The following DBI variants were observed in gnomAD, a reference collection of about 807,000 sequenced individuals.
DBI encodes the protein acyl-CoA-binding protein.
DBI carries 12 observed loss-of-function variants against 13.0 expected under a neutral mutation model. The ratio of observed to expected loss-of-function variants is 0.92; its 90% CI spans 0.59 to 1.49. The LOEUF (loss-of-function observed/expected upper bound fraction) is 1.49. Among genes scored for constraint, DBI ranks in the 40% most tolerant of loss-of-function variants. DBI has a pLI of 0.00. For missense variants in DBI, 95 were observed against 104.8 expected (o/e 0.91, Z 0.41); for synonymous variants, 37 against 37.4 (o/e 0.99, Z 0.04).
intron 1 of DBI, chr2:119,367,302 T>C: frequency 7.0e-7 from 1 of 1,436,592 alleles, no homozygotes; most frequent in South Asian, 1.5e-5. Flanking sequence ...GACTTCGCTG[T>C]GTAGCGGGAG....
chr2:119,367,994 G>C, intron 1 of DBI, 194 bp from the exon 2 acceptor site: 1 of 1,610,092 alleles, frequency 6.2e-7, no homozygotes, highest in Non-Finnish European at 8.5e-7. Context: ...TCCCCTTCTT[G>C]TGTTGCTGAA....
At chr2:119,370,961 T>C (rs973018701) in intron 3 of DBI, among the ~76,000 whole-genome samples, 159 bp downstream of exon 3, 3 of 152,206 alleles carry the variant, frequency 2.0e-5, no homozygotes, top group Admixed American at 6.5e-5. Context: ...GGCCACCTAC[T>C]TTTTCTCCTA....
chr2:119,371,927 A>G (rs1681543848), intron 3 of DBI, among the ~76,000 whole-genome samples: 1 of 152,172 alleles, frequency 6.6e-6, no homozygotes, highest in Non-Finnish European at 1.5e-5. Context: ...ACAGTTTCCT[A>G]CCTGTCTGGA....
intron 1 of DBI, chr2:119,367,626 T>A: frequency 1.9e-6 from 3 of 1,613,962 alleles, no homozygotes; most frequent in Non-Finnish European, 2.5e-6. Context: ...CCTCTGCCAA[T>A]CCGGGCACTG....
intron 1 of DBI, chr2:119,367,735 A>T (rs1681149387): frequency 6.2e-7 from 1 of 1,607,330 alleles, no homozygotes; most frequent in African/African-American, 1.3e-5. Flanking sequence ...GTCCCCTTTC[A>T]GCTGTTTCCA....
chr2:119,368,433 G>T, intron 2 of DBI, 128 bp downstream of exon 2: 1 of 697,978 alleles, frequency 1.4e-6, no homozygotes, highest in Non-Finnish European at 2.6e-6. Flanking sequence ...GTATGGTGAT[G>T]GTTCCTGAGG....
rs1573726558 is a variant in DBI, at chr2:119,370,609, A to T, written c.128-131A>T. The T allele has an allele frequency of 5.4e-6, 4 of 746,238 alleles. No homozygotes were observed. In the East Asian group the frequency reaches 8.2e-5, roughly 15 times the overall value. The allele number at this position is 746,238 out of a possible 1,614,324, so 46.2% of individuals were successfully genotyped here. A position where few individuals can be genotyped will look rare whatever the true frequency, so the allele number is the denominator to read the frequency against. ...CTTAGGGCAGAACCCACTCTACTAGACCTATTTAACCCCATGACAGAGCCT... is the reference window on the plus strand; with the variant it reads ...CTTAGGGCAGAACCCACTCTACTAGTCCTATTTAACCCCATGACAGAGCCT... On this transcript the variant is annotated intron_variant, in intron 2 of 3. Transcript: ENST00000355857.
intron 3 of DBI, among the ~76,000 whole-genome samples, 169 bp downstream of exon 3, chr2:119,370,971 A>G (rs1281947610): frequency 1.3e-5 from 2 of 152,216 alleles, no homozygotes; most frequent in Non-Finnish European, 2.9e-5. Context: ...TTTTTCTCCT[A>G]ACACCATTTA....
chr2:119,368,694 G>C (rs571124691), intron 2 of DBI: 1 of 191,846 alleles, frequency 5.2e-6, no homozygotes, highest in South Asian at 1.1e-4. Context: ...GCCTGGCCAA[G>C]CCTGATGTCA....
rs146343693 is a variant in DBI at position 119,370,747 on chromosome 2, C to T, written c.135C>T (p.Pro45=). 7.7e-4 allele frequency: 1,240 copies of T among 1,613,856 alleles called. 18 individuals carry two copies. In the East Asian group the frequency reaches 0.022, roughly 29 times the overall value. ...TTTCTTCCCTTGTTTAAGAACGGCCCGGGATGTTGGACTTCACGGGCAAGG... is the reference window on the plus strand; with the variant it reads ...TTTCTTCCCTTGTTTAAGAACGGCCTGGGATGTTGGACTTCACGGGCAAGG... ...ATVGDINTER[P]GMLDFTGKAK... Residue 45 remains proline, a synonymous_variant, in exon 3 of 4, where the codon CCC becomes CCT. Transcript: ENST00000355857.
Position 119,368,174 on chromosome 2 carries a change from T to C in DBI, c.10-14T>C. On this transcript the variant is annotated splice_polypyrimidine_tract_variant and intron_variant, in intron 1 of 3. Transcript: ENST00000355857. ...AGAGGAGGCCCTCAATCCTCTCCTC[T>C]CCCTTCCATTTAGGCTGAGTTTGAG... is the stretch of plus-strand genomic sequence containing the variant. 2 of 1,609,626 alleles carry C rather than the reference T, an allele frequency of 1.2e-6. No individual in the cohort carries two copies. The highest frequency in any genetic ancestry group is 1.7e-6 in the Non-Finnish European group (2 of 1,176,736).
In DBI at chr2:119,372,383, T is replaced by C. The variant is rs1368962160; in HGVS notation, c.*65T>C. ...ACTGAGACAATGCCTTGTTTTTTTC[T>C]AATACCGTGGATGGTGGGAATTCGG... On this transcript the variant is annotated 3_prime_UTR_variant, in exon 4 of 4. Coordinates refer to ENST00000355857, the MANE Select transcript of DBI (RefSeq NM_001079862.4). 3 of 1,271,506 alleles carry C rather than the reference T, an allele frequency of 2.4e-6. No individual in the cohort carries two copies. The highest frequency in any genetic ancestry group is 2.9e-5 in the African/African-American group (2 of 68,286). 78.8% of individuals were successfully genotyped at this position (1,271,506 alleles called of 1,614,324 possible). A position where few individuals can be genotyped will look rare whatever the true frequency, so the allele number is the denominator to read the frequency against.
At chr2:119,369,319 C>T (rs1573722791) in intron 2 of DBI, among the ~76,000 whole-genome samples, 1 of 152,110 alleles carries the variant, frequency 6.6e-6, no homozygotes, top group Non-Finnish European at 1.5e-5. Flanking sequence ...CTAGAGTTAC[C>T]GATTTTCACA....
At position 119,370,746 on chromosome 2, in the gene DBI, C is replaced by G. The variant is rs1162882273; in HGVS notation, c.134C>G (p.Pro45Arg). 6.2e-7 allele frequency: 1 copy of G among 1,613,866 alleles called. No individual in the cohort carries two copies. Among genetic ancestry groups the G allele is most frequent in the Admixed American group, 1.7e-5 (1 of 59,984 alleles). ...ATVGDINTER[P>R]GMLDFTGKAK... ...TTTTCTTCCCTTGTTTAAGAACGGCCCGGGATGTTGGACTTCACGGGCAAG... is the reference window on the plus strand; with the variant it reads ...TTTTCTTCCCTTGTTTAAGAACGGCGCGGGATGTTGGACTTCACGGGCAAG... The change falls in exon 3 of 4, where the codon CCC becomes CGC. Residue 45 changes from proline to arginine, a missense_variant. Physicochemically the swap from Pro to Arg is moderately radical, Grantham distance 103 (BLOSUM62 -2). Transcript: ENST00000355857.
chr2:119,368,984 T>C (rs1378103847), intron 2 of DBI: 2 of 152,328 alleles, frequency 1.3e-5, no homozygotes, highest in Non-Finnish European at 2.9e-5. Flanking sequence ...AGGTCTCCCC[T>C]GCCCCTGCTG....
chr2:119,368,148 C>A, intron 1 of DBI, 40 bp from the exon 2 acceptor site: 2 of 1,556,022 alleles, frequency 1.3e-6, no homozygotes, highest in South Asian at 1.1e-5. Flanking sequence ...CTCTCCCACC[C>A]AGAGGAGGCC....
At chr2:119,368,037 G>T in intron 1 of DBI, 151 bp from the exon 2 acceptor site, 1 of 1,555,352 alleles carries the variant, frequency 6.4e-7, no homozygotes, top group Non-Finnish European at 8.9e-7. Flanking sequence ...GCAGGGAGGG[G>T]CAGACACACT....
intron 1 of DBI, 53 bp downstream of exon 1, chr2:119,367,113 TG>T (rs1220828696): frequency 1.9e-6 from 3 of 1,610,590 alleles, no homozygotes; most frequent in Non-Finnish European, 8.5e-7. Context: ...GGAGGCCCGT[TG>T]GGGGCTCAGC....
intron 1 of DBI, 61 bp from the exon 2 acceptor site, chr2:119,368,127 G>A: frequency 6.5e-7 from 1 of 1,532,780 alleles, no homozygotes; most frequent in Middle Eastern, 2.1e-4. Flanking sequence ...GGCCACAGTA[G>A]GATTCTTACC....
Sources: gnomAD v4.1 joint callset for allele counts (sites outside exome capture counted in the v4.1 genomes callset) on GRCh38, gnomAD v4.1.1 for gene constraint, MANE v1.5 for transcripts, NCBI Gene and HGNC (gene_info 2026-07-23, HGNC 2026-07-21) for gene names.